Variants in RPS6KA2 observed in about 807,000 individuals in gnomAD.
The protein encoded by RPS6KA2 is ribosomal protein S6 kinase alpha-2.
RPS6KA2 carries 42 observed loss-of-function variants against 91.8 expected under a neutral mutation model. That is an observed-to-expected ratio of 0.46 (90% CI 0.36 to 0.59). The LOEUF (loss-of-function observed/expected upper bound fraction) is 0.59, where lower values mean the gene tolerates loss of function less well. RPS6KA2 is among the 20% of genes least tolerant of loss of function. The pLI, the probability that RPS6KA2 is intolerant of heterozygous loss-of-function variation, is 0.00. For missense variants in RPS6KA2, 798 were observed against 978.5 expected, an observed-to-expected ratio of 0.82 and a Z score of 2.46; for synonymous variants, 414 against 393.6, an observed-to-expected ratio of 1.05 and a Z score of -0.61.
intron 6 of RPS6KA2, among the ~76,000 whole-genome samples, chr6:166,502,842 G>A (rs957535222): frequency 1.3e-5 from 2 of 152,164 alleles, no homozygotes; most frequent in Non-Finnish European, 1.5e-5. Flanking sequence ...CAGCAGCTGC[G>A]GAGGCTGCTC....
chr6:166,610,352 C>T (rs933224158), intron 1 of RPS6KA2, among the ~76,000 whole-genome samples: 3 of 152,142 alleles, frequency 2.0e-5, no homozygotes, highest in Admixed American at 6.5e-5. Context: ...CAGCAGGAAG[C>T]GCAGCAGGAA....
rs556483073 is a variant in RPS6KA2 at position 166,492,051 on chromosome 6, G to A, written c.748-1310C>T. ...GAAATGTGCACAGATGATTTCCTAA[G>A]ATTTATTCTTATGATAGGCTGCTAG... is the stretch of plus-strand genomic sequence containing the variant. On this transcript the variant is annotated intron_variant, in intron 8 of 20. Transcript: ENST00000265678. Among the ~76,000 whole-genome samples, 5 of 152,254 alleles carry A rather than the reference G, an allele frequency of 3.3e-5. No individual in the cohort carries two copies. The East Asian group carries it at 9.7e-4, about 29-fold the overall frequency.
intron 2 of RPS6KA2, among the ~76,000 whole-genome samples, chr6:166,672,652 G>T (rs1368418997): frequency 6.6e-6 from 1 of 152,192 alleles, no homozygotes; most frequent in Non-Finnish European, 1.5e-5. Context: ...TGTTTACAAG[G>T]TTTATTTTCT....
chr6:166,593,268 A>G (rs180896404), intron 1 of RPS6KA2, among the ~76,000 whole-genome samples: 1 of 152,384 alleles, frequency 6.6e-6, no homozygotes, highest in Non-Finnish European at 1.5e-5. Context: ...AACAGAATAC[A>G]ACAGAACAAA....
At chr6:166,441,097 C>A in intron 14 of RPS6KA2, among the ~76,000 whole-genome samples, 1 of 152,222 alleles carries the variant, frequency 6.6e-6, no homozygotes, top group East Asian at 1.9e-4. Context: ...ATTTATGCCA[C>A]CGTTTTCCTC....
At chr6:166,466,501 C>A (rs1192278928) in intron 11 of RPS6KA2, among the ~76,000 whole-genome samples, 2 of 152,222 alleles carry the variant, frequency 1.3e-5, no homozygotes, top group Admixed American at 1.3e-4. Context: ...TGTGAAGAGA[C>A]TTCTCTTTCC....
chr6:166,716,061 A>AAG (rs1790004703), intron 2 of RPS6KA2, among the ~76,000 whole-genome samples: 2 of 118,558 alleles, frequency 1.7e-5, no homozygotes, highest in African/African-American at 7.1e-5. Context: ...AAAAAAAAAA[A>AAG]GAAGGAAAGA....
rs573855685 is a variant in RPS6KA2 at position 166,423,188 on chromosome 6, C to T, written c.1743+68G>A. The T allele has an allele frequency of 3.9e-5, 58 of 1,504,720 alleles. No individual in the cohort carries two copies. Among genetic ancestry groups the T allele is most frequent in the Non-Finnish European group, 5.1e-5 (57 of 1,110,602 alleles). The allele number at this position is 1,504,720 out of a possible 1,614,324, so 93.2% of individuals were successfully genotyped here. The stretch of plus-strand genomic sequence containing the variant: ...ACATCCCCGCTGTCCGGTGGCTCTG[C>T]AGTGGGAGGGGGCAGAGCCTGTCTT... On this transcript the variant is annotated intron_variant, in intron 17 of 20. Transcript: ENST00000265678. This position sits in a 1 kb window ranked among gnomAD's most constrained non-coding sequence, Gnocchi z 4.8.
chr6:166,615,543 C>T (rs948248269), intron 1 of RPS6KA2, among the ~76,000 whole-genome samples: 1 of 152,146 alleles, frequency 6.6e-6, no homozygotes. Context: ...CTGCTGACCC[C>T]CTGGGGCCCC....
At chr6:166,481,351 T>C (rs1340394952) in intron 10 of RPS6KA2, among the ~76,000 whole-genome samples, 1 of 152,274 alleles carries the variant, frequency 6.6e-6, no homozygotes, top group African/African-American at 2.4e-5. Context: ...GGCTCAGCTC[T>C]AATTTGTGGC....
intron 2 of RPS6KA2, among the ~76,000 whole-genome samples, chr6:166,686,504 C>G (rs1409523418): frequency 6.6e-6 from 1 of 152,230 alleles, no homozygotes; most frequent in Non-Finnish European, 1.5e-5. Flanking sequence ...CACACATGCT[C>G]TGCACCCAAG....
chr6:166,745,146 GCCTTTTTT>G lies in RPS6KA2; in HGVS notation c.123+113046_123+113053del, dbSNP rs1281583771. Among the ~76,000 whole-genome samples, 712 of 141,612 alleles carry G rather than the reference GCCTTTTTT, an allele frequency of 5.0e-3. 5 individuals are homozygous for G. The highest frequency in any genetic ancestry group is 0.017 in the African/African-American group (643 of 36,744). 92.9% of individuals were successfully genotyped at this position (141,612 alleles called of 152,430 possible). A position where few individuals can be genotyped will look rare whatever the true frequency, so the allele number is the denominator to read the frequency against. ...TCTGTGTGTGTCTGTGTCCTAATCG[GCCTTTTTT>G]TTTTTTTTTTTTTTGAGAGAGAGTT... On this transcript the variant is annotated intron_variant, in intron 2 of 21. Coordinates refer to the RPS6KA2 transcript ENST00000503859.
intron 2 of RPS6KA2, among the ~76,000 whole-genome samples, chr6:166,537,208 C>T (rs775973030): frequency 1.1e-4 from 16 of 152,254 alleles, no homozygotes; most frequent in South Asian, 8.3e-4. Flanking sequence ...AATCTGTTCT[C>T]AAGAAACAAT....
chr6:166,649,029 C>T (rs1304890726), intron 2 of RPS6KA2, among the ~76,000 whole-genome samples: 2 of 152,160 alleles, frequency 1.3e-5, no homozygotes, highest in East Asian at 1.9e-4. Context: ...TATCCCTCTC[C>T]ACTGCTCTGC....
chr6:166,855,447 AGAG>A (rs758232577), intron 2 of RPS6KA2, among the ~76,000 whole-genome samples: 82,433 of 123,542 alleles, frequency 0.67, 27,530 homozygotes, highest in Non-Finnish European at 0.75. Context: ...AGGAAGAAGA[AGAG>A]GAAGAAGAAG....
chr6:166,750,621 G>A (rs184560782), intron 2 of RPS6KA2, among the ~76,000 whole-genome samples: 2 of 152,304 alleles, frequency 1.3e-5, no homozygotes, highest in Non-Finnish European at 2.9e-5. Context: ...GCTGAGGACC[G>A]CAGGTGCCAC....
intron 2 of RPS6KA2, among the ~76,000 whole-genome samples, chr6:166,689,872 T>A (rs1400086336): frequency 6.6e-6 from 1 of 152,170 alleles, no homozygotes; most frequent in Non-Finnish European, 1.5e-5. Context: ...GAAAGCCACA[T>A]GAAAGTTTTA....
upstream of RPS6KA2, chr6:166,627,424 A>G (rs1422475523): frequency 8.5e-6 from 1 of 118,222 alleles, no homozygotes; most frequent in African/African-American, 3.6e-5. Flanking sequence ...CAGCACTGCC[A>G]ATGAGAGCCC....
At chr6:166,504,977 A>G (rs1782145831) in intron 5 of RPS6KA2, among the ~76,000 whole-genome samples, 1 of 152,208 alleles carries the variant, frequency 6.6e-6, no homozygotes, top group Non-Finnish European at 1.5e-5. Context: ...GTGAATTCAT[A>G]ACAAATGTAA....
Sources: allele counts gnomAD v4.1 joint callset (sites outside exome capture counted in the v4.1 genomes callset), GRCh38; gene constraint gnomAD v4.1.1; non-coding constraint Gnocchi (gnomAD v3.1); transcripts MANE v1.5; gene names NCBI Gene and HGNC (gene_info 2026-07-23, HGNC 2026-07-21).